Variants in KCNH5 observed in about 807,000 individuals in gnomAD.
KCNH5 encodes potassium voltage-gated channel subfamily H member 5, also known as voltage-gated delayed rectifier potassium channel KCNH5.
Under a neutral mutation model 96.1 loss-of-function variants are expected in KCNH5, and 46 were observed. That is an observed-to-expected ratio of 0.48 (90% CI 0.38 to 0.61). KCNH5 has a LOEUF of 0.61. KCNH5 is among the 20% of genes least tolerant of loss of function. KCNH5 has a pLI of 0.00. For synonymous variants in KCNH5, 439 were observed against 449.8 expected, an observed-to-expected ratio of 0.98 and a Z score of 0.30; for missense variants, 907 against 1,225.8, an observed-to-expected ratio of 0.74 and a Z score of 3.88.
At chr14:63,043,325 C>T (rs904307469) in intron 1 of KCNH5, among the ~76,000 whole-genome samples, 53 of 152,076 alleles carry the variant, frequency 3.5e-4, no homozygotes, top group African/African-American at 1.1e-3. Context: ...TTAAGGCCTT[C>T]TCTGAAAAGT....
chr14:62,854,004 C>CAAAAAAAA (rs548263620), intron 7 of KCNH5, among the ~76,000 whole-genome samples: 1 of 84,218 alleles, frequency 1.2e-5, no homozygotes, highest in Non-Finnish European at 2.4e-5. Flanking sequence ...GAGACTCTGT[C>CAAAAAAAA]AAAAAAAAAA....
chr14:62,788,816 T>C (rs1001937130), intron 9 of KCNH5, among the ~76,000 whole-genome samples: 1 of 152,086 alleles, frequency 6.6e-6, no homozygotes, highest in Admixed American at 6.6e-5. Context: ...GGTATATGCA[T>C]TGTTTTTCTA....
At chr14:63,012,635 G>A (rs1891249931) in intron 2 of KCNH5, among the ~76,000 whole-genome samples, 1 of 152,074 alleles carries the variant, frequency 6.6e-6, no homozygotes, top group Admixed American at 6.6e-5. Flanking sequence ...GTTGTTTGAG[G>A]TAGCAAAGTG....
chr14:62,941,341 CA>C (rs1889785886), intron 7 of KCNH5, among the ~76,000 whole-genome samples: 1 of 152,044 alleles, frequency 6.6e-6, no homozygotes. Context: ...AACATTCCTG[CA>C]AAAGACACAA....
chr14:62,912,550 G>A (rs935437098), intron 7 of KCNH5, among the ~76,000 whole-genome samples: 1 of 151,874 alleles, frequency 6.6e-6, no homozygotes, highest in African/African-American at 2.4e-5. Context: ...GGGATTATAG[G>A]TGCCCGCCAC....
intron 8 of KCNH5, among the ~76,000 whole-genome samples, chr14:62,818,300 C>A (rs74720266): frequency 6.6e-6 from 1 of 151,972 alleles, no homozygotes; most frequent in Non-Finnish European, 1.5e-5. Flanking sequence ...TTTTGGTAGT[C>A]ATTCACATAT....
chr14:62,844,812 C>T (rs912423179), intron 8 of KCNH5, among the ~76,000 whole-genome samples: 1 of 152,124 alleles, frequency 6.6e-6, no homozygotes, highest in South Asian at 2.1e-4. Context: ...ACATAAGTCA[C>T]ATTAAGACAG....
intron 1 of KCNH5, among the ~76,000 whole-genome samples, chr14:63,032,141 C>G (rs1459759272): frequency 6.6e-5 from 10 of 151,528 alleles, no homozygotes; most frequent in Non-Finnish European, 1.3e-4. Context: ...ATAGATTTGC[C>G]AAGATCCAGG....
intron 8 of KCNH5, among the ~76,000 whole-genome samples, chr14:62,806,231 GAAAT>G (rs1886764243): frequency 6.6e-6 from 1 of 152,118 alleles, no homozygotes. Context: ...ATATCATCAA[GAAAT>G]AACCATAAAA....
chr14:63,033,650 C>T (rs906808823), intron 1 of KCNH5, among the ~76,000 whole-genome samples: 5 of 152,284 alleles, frequency 3.3e-5, no homozygotes, highest in Admixed American at 2.6e-4. Flanking sequence ...CATTACTGTA[C>T]ACTCACAAAT....
At position 62,802,266 on chromosome 14, in the gene KCNH5, A is replaced by G. The variant is rs1886677145; in HGVS notation, c.1822+63T>C. 5 of 1,547,516 alleles carry G rather than the reference A, an allele frequency of 3.2e-6. No individual in the cohort carries two copies. In the Admixed American group the frequency reaches 9.9e-5, roughly 31 times the overall value. The stretch of plus-strand genomic sequence containing the variant: ...AAGGAAATTTCTCTTTAAAAATGCG[A>G]AAAGCAAAATATCTAAAACTGTTAC... On this transcript the variant is annotated intron_variant, in intron 9 of 10. Coordinates refer to ENST00000322893, the MANE Select transcript of KCNH5 (RefSeq NM_139318.5).
intron 2 of KCNH5, 87 bp downstream of exon 2, chr14:63,016,744 G>A (rs1186083829): frequency 1.5e-6 from 2 of 1,296,412 alleles, no homozygotes; most frequent in Non-Finnish European, 2.1e-6. Flanking sequence ...GTTTGTATAT[G>A]GGAGTCCAAG....
chr14:63,014,428 T>G (rs1891286333), intron 2 of KCNH5, among the ~76,000 whole-genome samples: 1 of 152,132 alleles, frequency 6.6e-6, no homozygotes. Context: ...TACAATCTGG[T>G]ACTTGTGTTA....
intron 6 of KCNH5, among the ~76,000 whole-genome samples, chr14:62,952,847 A>T (rs1890033156): frequency 6.6e-6 from 1 of 152,130 alleles, no homozygotes; most frequent in Admixed American, 6.6e-5. Flanking sequence ...AAAGGAGGTG[A>T]CCATCCTGAC....
intron 7 of KCNH5, among the ~76,000 whole-genome samples, chr14:62,928,064 G>A (rs1284165787): frequency 1.3e-5 from 2 of 152,004 alleles, no homozygotes; most frequent in South Asian, 4.1e-4. Flanking sequence ...TAAAAGACTA[G>A]AAATAAGGCA....
At chr14:63,037,357 T>C (rs1329148885) in intron 1 of KCNH5, among the ~76,000 whole-genome samples, 1 of 152,140 alleles carries the variant, frequency 6.6e-6, no homozygotes, top group Non-Finnish European at 1.5e-5. Flanking sequence ...ACTGTGTTCA[T>C]TATGAATCCC....
At chr14:62,826,408 A>ATGTGTGTGTGTGTG (rs71451280) in intron 8 of KCNH5, among the ~76,000 whole-genome samples, 64 of 142,080 alleles carry the variant, frequency 4.5e-4, no homozygotes, top group African/African-American at 1.4e-3. Flanking sequence ...GCGTGCGTGC[A>ATGTGTGTGTGTGTG]TGTGTGTGTG....
intron 1 of KCNH5, among the ~76,000 whole-genome samples, chr14:63,031,516 T>C (rs1222115373): frequency 6.6e-6 from 1 of 152,128 alleles, no homozygotes; most frequent in Non-Finnish European, 1.5e-5. Context: ...ATGATCGGAC[T>C]GGTTTTTGTT....
chr14:62,958,901 T>C (rs1890156247), intron 6 of KCNH5, among the ~76,000 whole-genome samples: 1 of 152,066 alleles, frequency 6.6e-6, no homozygotes. Context: ...CCTTCTCTAC[T>C]CTACTCAAAA....
Sources: gnomAD v4.1 joint callset for allele counts (sites outside exome capture counted in the v4.1 genomes callset) on GRCh38, gnomAD v4.1.1 for gene constraint, MANE v1.5 for transcripts, NCBI Gene and HGNC (gene_info 2026-07-23, HGNC 2026-07-21) for gene names.